TXNL4B: variants seen among roughly 807,000 people sequenced by gnomAD.
TXNL4B encodes the protein thioredoxin-like protein 4B.
A neutral mutation model predicts 13.0 loss-of-function variants in TXNL4B; 12 were observed. The ratio of observed to expected loss-of-function variants is 0.92; its 90% confidence interval spans 0.59 to 1.49. TXNL4B has a LOEUF of 1.49. Ranked by LOEUF, TXNL4B falls within the 40% of genes most tolerant of loss-of-function variation. The probability of loss-of-function intolerance (pLI) is 0.00; values close to 1 mark genes in which losing one functional copy is unlikely to be tolerated. For missense variants in TXNL4B, 214 were observed against 173.6 expected (o/e 1.23, Z -1.31); for synonymous variants, 59 against 58.9 (o/e 1.00, Z -0.01).
intron 1 of TXNL4B, among the ~76,000 whole-genome samples, chr16:72,091,547 G>A (rs529958320): frequency 6.6e-6 from 1 of 152,286 alleles, no homozygotes; most frequent in East Asian, 1.9e-4. Flanking sequence ...CTACTCTTCA[G>A]CACTTTTCAT....
chr16:72,090,329 C>T (rs2041886080), intron 2 of TXNL4B, among the ~76,000 whole-genome samples: 1 of 152,122 alleles, frequency 6.6e-6, no homozygotes, highest in South Asian at 2.1e-4. Flanking sequence ...ATTGCGAGCA[C>T]TGAAAAGATA....
At position 72,086,462 on chromosome 16, in the gene TXNL4B, G is replaced by C. The variant is rs746372319; in HGVS notation, c.*175C>G. The C allele has an allele frequency of 3.0e-5, 16 of 524,872 alleles. No individual in the cohort carries two copies. The highest frequency in any genetic ancestry group is 4.7e-5 in the Non-Finnish European group (14 of 298,036). The allele number at this position is 524,872 out of a possible 1,614,324, so 32.5% of individuals were successfully genotyped here. ...GGGAGTAGACAGTTAGGCATCCCAG[G>C]TCATCAGAGAACCAGTGGGGTCTTT... On this transcript the variant is annotated 3_prime_UTR_variant, in exon 4 of 4. Transcript: ENST00000268483.
intron 3 of TXNL4B, among the ~76,000 whole-genome samples, chr16:72,088,133 T>C (rs770677511): frequency 1.3e-4 from 20 of 152,060 alleles, no homozygotes; most frequent in Non-Finnish European, 2.6e-4. Flanking sequence ...CTGGCTAATT[T>C]TTGTATTTTT....
At chr16:72,094,179 C>T (rs2144121013), upstream of TXNL4B, 1 of 153,052 alleles carries the variant, frequency 6.5e-6, no homozygotes, top group Non-Finnish European at 1.5e-5. Context: ...CTGTCACCCA[C>T]CTTGCCTTAC....
At chr16:72,090,371 C>T (rs919639031) in intron 2 of TXNL4B, among the ~76,000 whole-genome samples, 4 of 152,142 alleles carry the variant, frequency 2.6e-5, no homozygotes, top group South Asian at 2.1e-4. Flanking sequence ...TAGTTTTCTG[C>T]TCTTCCATCA....
chr16:72,087,734 T>C (rs1024965056), intron 3 of TXNL4B, among the ~76,000 whole-genome samples: 1 of 152,074 alleles, frequency 6.6e-6, no homozygotes, highest in African/African-American at 2.4e-5. Flanking sequence ...GTGCGTTCTC[T>C]GCTCACTGCA....
chr16:72,087,214 T>A (rs1416030136), intron 3 of TXNL4B: 1 of 155,012 alleles, frequency 6.5e-6, no homozygotes, highest in African/African-American at 2.4e-5. Context: ...AAAAAATTGA[T>A]TTTTTAGAAA....
At position 72,086,243 on chromosome 16, in the gene TXNL4B, G is replaced by T. The variant is rs1201538287; in HGVS notation, c.*394C>A. 1 of 162,306 alleles carries T rather than the reference G, an allele frequency of 6.2e-6. No homozygotes were observed. Among genetic ancestry groups the T allele is most frequent in the Non-Finnish European group, 1.4e-5 (1 of 73,894 alleles). 10.1% of individuals were successfully genotyped at this position (162,306 alleles called of 1,614,324 possible). On this transcript the variant is annotated 3_prime_UTR_variant, in exon 4 of 4. Transcript: ENST00000268483. ...TGCACCCAGCTAGGGTAGAAAATAAGTACTTTTGCTTCTATGGGAAGTGAC... is the reference window on the plus strand; with the variant it reads ...TGCACCCAGCTAGGGTAGAAAATAATTACTTTTGCTTCTATGGGAAGTGAC...
intron 1 of TXNL4B, among the ~76,000 whole-genome samples, chr16:72,091,948 A>G (rs2041911945): frequency 6.6e-6 from 1 of 152,188 alleles, no homozygotes; most frequent in South Asian, 2.1e-4. Context: ...TACTACAATA[A>G]TCTATTTTCA....
At chr16:72,087,554 G>A (rs188928987) in intron 3 of TXNL4B, 3 of 152,094 alleles carry the variant, frequency 2.0e-5, no homozygotes, top group Non-Finnish European at 2.9e-5. Context: ...TAAACTATTT[G>A]ATACATAATG....
chr16:72,091,340 G>C (rs1020362798), intron 1 of TXNL4B, among the ~76,000 whole-genome samples: 4 of 146,704 alleles, frequency 2.7e-5, no homozygotes, highest in Non-Finnish European at 2.9e-5. Flanking sequence ...TAGGAGGGCA[G>C]CCTGCTGTTA....
rs1255654275 is a variant in TXNL4B at position 72,086,743 on chromosome 16, A to G, written c.344T>C (p.Leu115Ser). ...TGCTCCTCGATAGATTACTTCAATCAAATCTATGAAGTCTTGTTTGGTTTT... is the reference window on the plus strand; with the variant it reads ...TGCTCCTCGATAGATTACTTCAATCGAATCTATGAAGTCTTGTTTGGTTTT... Reference protein sequence around the residue: ...SFKTKQDFIDLIEVIYRGAMR... With the variant: ...SFKTKQDFIDSIEVIYRGAMR... Residue 115 changes from leucine (L) to serine (S), a missense_variant, in exon 4 of 4, where the codon TTG becomes TCG. Leu to Ser is a moderately radical substitution (Grantham distance 145). Transcript: ENST00000268483. 6.2e-7 allele frequency: 1 copy of G among 1,613,570 alleles called. No individual in the cohort carries two copies. The highest frequency in any genetic ancestry group is 8.5e-7 in the Non-Finnish European group (1 of 1,179,524).
chr16:72,091,344 G>A (rs916974019), intron 1 of TXNL4B, among the ~76,000 whole-genome samples: 1 of 147,170 alleles, frequency 6.8e-6, no homozygotes, highest in Non-Finnish European at 1.5e-5. Context: ...AGGGCAGCCT[G>A]CTGTTAGGTG....
At chr16:72,092,854 C>G (rs152827) in intron 1 of TXNL4B, among the ~76,000 whole-genome samples, 143,147 of 152,334 alleles carry the variant, frequency 0.94, 67,366 homozygotes, top group East Asian at 1. Flanking sequence ...CAAATTAAAA[C>G]ATATGTTTAC....
intron 2 of TXNL4B, among the ~76,000 whole-genome samples, chr16:72,090,387 T>C (rs746472044): frequency 1.1e-4 from 17 of 152,136 alleles, no homozygotes; most frequent in Admixed American, 8.5e-4. Flanking sequence ...CATCACCTTG[T>C]TGGTGAAACA....
chr16:72,088,874 G>C (rs981744191), intron 3 of TXNL4B, 113 bp downstream of exon 3: 3 of 748,118 alleles, frequency 4.0e-6, no homozygotes, highest in Non-Finnish European at 6.5e-6. Flanking sequence ...TGGGGAAACA[G>C]TACTGATATA....
At chr16:72,089,298 T>C (rs548901288) in intron 2 of TXNL4B, among the ~76,000 whole-genome samples, 160 bp from the exon 3 acceptor site, 4 of 152,322 alleles carry the variant, frequency 2.6e-5, no homozygotes, top group Admixed American at 2.6e-4. Flanking sequence ...AACCCCATCC[T>C]CCAGAGTCTC....
chr16:72,091,045 T>C (rs2041896800), intron 1 of TXNL4B, among the ~76,000 whole-genome samples: 1 of 152,268 alleles, frequency 6.6e-6, no homozygotes, highest in South Asian at 2.1e-4. Context: ...CACCAAAAAA[T>C]ACAAATATGC....
chr16:72,084,873 T>G lies in TXNL4B; in HGVS notation c.*1764A>C, dbSNP rs2041800828. 1 of 398,562 alleles carries G rather than the reference T, an allele frequency of 2.5e-6. No homozygotes were observed. The allele number at this position is 398,562 out of a possible 1,614,324, so 24.7% of individuals were successfully genotyped here. On this transcript the variant is annotated 3_prime_UTR_variant, in exon 4 of 4. Coordinates refer to ENST00000268483, the MANE Select transcript of TXNL4B (RefSeq NM_017853.3). ...AACAGTGACTTAGGCAAAAAGAAATTTTATTCTTTCACAGAAGTCTGAGGC... is the reference window on the plus strand; with the variant it reads ...AACAGTGACTTAGGCAAAAAGAAATGTTATTCTTTCACAGAAGTCTGAGGC...
Sources: gnomAD v4.1 joint callset for allele counts (sites outside exome capture counted in the v4.1 genomes callset) on GRCh38, gnomAD v4.1.1 for gene constraint, MANE v1.5 for transcripts, NCBI Gene and HGNC (gene_info 2026-07-23, HGNC 2026-07-21) for gene names.